The following LPAR6 variants were observed in gnomAD, a reference collection of about 807,000 sequenced individuals.
LPAR6 encodes G-protein coupled purinergic receptor P2Y5.
In LPAR6, 17 loss-of-function variants were observed where a neutral mutation model predicts 22.0. That is an observed-to-expected ratio of 0.77 (90% CI 0.53 to 1.16). LPAR6 has a LOEUF of 1.16. LPAR6 is among the 50% of genes most tolerant of loss of function. The pLI is 0.00. For missense variants in LPAR6, 384 were observed against 406.9 expected (o/e 0.94, Z 0.48); for synonymous variants, 136 against 139.8 (o/e 0.97, Z 0.19).
intron 1 of LPAR6, among the ~76,000 whole-genome samples, chr13:48,400,010 T>C (rs1034360748): frequency 2.0e-5 from 3 of 152,046 alleles, no homozygotes; most frequent in Admixed American, 2.0e-4. Flanking sequence ...CAAAAGGGAC[T>C]AAGAAATTCA....
At chr13:48,410,863 T>C (rs1049950350), downstream of LPAR6, among the ~76,000 whole-genome samples, 1 of 152,292 alleles carries the variant, frequency 6.6e-6, no homozygotes, top group East Asian at 1.9e-4. Flanking sequence ...TCATCATTTC[T>C]ACAGAAGACT....
chr13:48,444,089 G>T (rs1488817225), intron 1 of LPAR6, among the ~76,000 whole-genome samples: 1 of 152,098 alleles, frequency 6.6e-6, no homozygotes, highest in Non-Finnish European at 1.5e-5. Flanking sequence ...GATCCCACTG[G>T]TTGGGGTCTC....
At chr13:48,390,210 T>C (rs1442932753) in intron 1 of LPAR6, among the ~76,000 whole-genome samples, 1 of 152,158 alleles carries the variant, frequency 6.6e-6, no homozygotes, top group African/African-American at 2.4e-5. Flanking sequence ...GGATATTTCA[T>C]TAAATAATTC....
intron 1 of LPAR6, among the ~76,000 whole-genome samples, chr13:48,436,992 A>G (rs1266992960): frequency 6.6e-6 from 1 of 152,216 alleles, no homozygotes; most frequent in African/African-American, 2.4e-5. Context: ...CTCTTTTAGG[A>G]GCACCTTGAC....
At chr13:48,434,955 G>T (rs1469302331) in intron 1 of LPAR6, among the ~76,000 whole-genome samples, 2 of 152,006 alleles carry the variant, frequency 1.3e-5, no homozygotes, top group South Asian at 2.1e-4. Flanking sequence ...AGTTTCTTTG[G>T]CCAGACACAT....
chr13:48,418,674 G>A (rs174858), intron 2 of LPAR6, among the ~76,000 whole-genome samples: 133,937 of 151,302 alleles, frequency 0.89, 60,722 homozygotes, highest in East Asian at 1. Context: ...CTCTAAATAA[G>A]GGAATGGAGG....
intron 1 of LPAR6, among the ~76,000 whole-genome samples, chr13:48,440,715 T>G (rs1289036967): frequency 6.6e-6 from 1 of 152,086 alleles, no homozygotes; most frequent in East Asian, 1.9e-4. Context: ...AGATAAAGGG[T>G]TTTCTTTGTT....
chr13:48,418,717 A>T (rs1409471220), intron 2 of LPAR6, among the ~76,000 whole-genome samples: 2 of 152,024 alleles, frequency 1.3e-5, no homozygotes, highest in Non-Finnish European at 2.9e-5. Context: ...AGCAAAAAAA[A>T]AAAAAAGCAG....
upstream of LPAR6, among the ~76,000 whole-genome samples, chr13:48,431,222 C>T (rs1949126546): frequency 6.6e-6 from 1 of 152,040 alleles, no homozygotes; most frequent in Non-Finnish European, 1.5e-5. Context: ...AAAAGTGGTT[C>T]TCAGTTTTAG....
intron 1 of LPAR6, among the ~76,000 whole-genome samples, chr13:48,394,642 G>T (rs747987969): frequency 4.6e-5 from 7 of 152,158 alleles, no homozygotes; most frequent in Non-Finnish European, 8.8e-5. Context: ...AGTTCAAACT[G>T]GGCAGAGCCT....
At position 48,412,673 on chromosome 13, in the gene LPAR6, T is replaced by C. The variant is rs1948837090; in HGVS notation, c.-250A>G. Reference sequence around the variant, plus strand: ...GTTAGTCTTTAGAAAATCCATGAATTCCAAGGCTCAGTTAACTGACGAGCA... The same window carrying C: ...GTTAGTCTTTAGAAAATCCATGAATCCCAAGGCTCAGTTAACTGACGAGCA... On this transcript the variant is annotated 5_prime_UTR_variant, in exon 1 of 1. Coordinates refer to ENST00000620633, the MANE Select transcript of LPAR6 (RefSeq NM_001162498.3). The C allele has an allele frequency of 1.9e-6, 1 of 533,056 alleles. No homozygotes were observed. The highest frequency in any genetic ancestry group is 1.9e-5 in the African/African-American group (1 of 52,108). The allele number at this position is 533,056 out of a possible 1,614,324, so 33.0% of individuals were successfully genotyped here.
At chr13:48,393,572 G>T (rs1164021897) in intron 1 of LPAR6, among the ~76,000 whole-genome samples, 2 of 152,128 alleles carry the variant, frequency 1.3e-5, no homozygotes, top group Non-Finnish European at 2.9e-5. Flanking sequence ...ATCAGAGCTG[G>T]CAGGGTTACT....
intron 1 of LPAR6, among the ~76,000 whole-genome samples, chr13:48,400,920 G>T (rs1241057109): frequency 6.6e-6 from 1 of 152,062 alleles, no homozygotes; most frequent in Non-Finnish European, 1.5e-5. Flanking sequence ...TAAGTACAGA[G>T]AATTTTTCTC....
chr13:48,397,311 G>A (rs1458198302), intron 1 of LPAR6, among the ~76,000 whole-genome samples: 1 of 152,128 alleles, frequency 6.6e-6, no homozygotes, highest in East Asian at 1.9e-4. Context: ...ACACTATGCA[G>A]CCATAAAAAA....
chr13:48,439,432 TA>T lies in LPAR6; in HGVS notation c.-1474+5120del, dbSNP rs4151568. Among the ~76,000 whole-genome samples the T allele has an allele frequency of 8.2e-3, 1,254 of 152,266 alleles. 15 individuals carry two copies. The highest frequency in any genetic ancestry group is 0.029 in the African/African-American group (1,197 of 41,548). On this transcript the variant is annotated intron_variant, in intron 1 of 6. Transcript: ENST00000378434. ...GTATAAGGTAATGACTTTGAATCAT[TA>T]ATCATAGTTATCGAAATCAGGCATG...
chr13:48,417,456 C>A (rs1308983583), upstream of LPAR6: 2 of 152,182 alleles, frequency 1.3e-5, no homozygotes, highest in Non-Finnish European at 2.9e-5. Context: ...GTAGATAAAT[C>A]CATGAAGATG....
intron 1 of LPAR6, among the ~76,000 whole-genome samples, chr13:48,434,669 G>C (rs938610467): frequency 1.3e-5 from 2 of 152,122 alleles, no homozygotes; most frequent in African/African-American, 2.4e-5. Flanking sequence ...GCTTGACCTG[G>C]TGAAAATGTG....
chr13:48,441,797 C>G (rs2138308141), intron 1 of LPAR6, among the ~76,000 whole-genome samples: 1 of 152,150 alleles, frequency 6.6e-6, no homozygotes. Flanking sequence ...TTGGCAAAAA[C>G]CTGGTGATTT....
chr13:48,431,631 G>T (rs1040113586), upstream of LPAR6, among the ~76,000 whole-genome samples: 1 of 152,184 alleles, frequency 6.6e-6, no homozygotes, highest in East Asian at 1.9e-4. Flanking sequence ...AAATTTGAGG[G>T]TTTCCTGTCT....
Sources: allele counts gnomAD v4.1 joint callset (sites outside exome capture counted in the v4.1 genomes callset), GRCh38; gene constraint gnomAD v4.1.1; transcripts MANE v1.5; gene names NCBI Gene and HGNC (gene_info 2026-07-23, HGNC 2026-07-21).